FBXL7: variants seen among roughly 807,000 people sequenced by gnomAD.
The protein encoded by FBXL7 is F-box/LRR-repeat protein 7.
FBXL7 carries 12 observed loss-of-function variants against 38.3 expected under a neutral mutation model. The observed-to-expected ratio is 0.31, with a 90% CI of 0.20 to 0.51. FBXL7 has a LOEUF of 0.51. FBXL7 is among the 20% of genes least tolerant of loss of function. FBXL7 has a pLI of 0.98. For synonymous variants in FBXL7, 297 were observed against 300.9 expected, an observed-to-expected ratio of 0.99 and a Z score of 0.13; for missense variants, 567 against 676.4, an observed-to-expected ratio of 0.84 and a Z score of 1.79.
intron 1 of FBXL7, among the ~76,000 whole-genome samples, chr5:15,546,712 C>G (rs1238303610): frequency 1.3e-5 from 2 of 152,174 alleles, no homozygotes; most frequent in Non-Finnish European, 2.9e-5. Context: ...GCCTGGGCTA[C>G]AGAGCGAGAC....
intron 1 of FBXL7, among the ~76,000 whole-genome samples, chr5:15,562,470 A>G (rs992357299): frequency 3.9e-5 from 6 of 152,214 alleles, no homozygotes; most frequent in Admixed American, 2.6e-4. Flanking sequence ...ATTTGTCCAA[A>G]GAAAACAGAA....
intron 2 of FBXL7, among the ~76,000 whole-genome samples, chr5:15,872,049 T>C (rs886105301): frequency 1.3e-5 from 2 of 152,158 alleles, no homozygotes; most frequent in Non-Finnish European, 2.9e-5. Flanking sequence ...AAGGTCGGGT[T>C]ACCCACAAAG....
In FBXL7 at chr5:15,500,813, C is replaced by G. The variant is rs376061237; in HGVS notation, c.37+100C>G. The G allele has an allele frequency of 9.7e-6, 14 of 1,448,088 alleles. No homozygotes were observed. In the East Asian group the frequency reaches 3.0e-4, roughly 31 times the overall value. The allele number at this position is 1,448,088 out of a possible 1,614,324, so 89.7% of individuals were successfully genotyped here. A position where few individuals can be genotyped will look rare whatever the true frequency, so the allele number is the denominator to read the frequency against. ...GGGAGGTTCTCGCCCGCGGCCGTGA[C>G]GCACCCCATTTGGCACCCTGTCTGG... On this transcript the variant is annotated intron_variant, in intron 1 of 3. Transcript: ENST00000504595.
chr5:15,568,853 T>C (rs1399762621), intron 1 of FBXL7, among the ~76,000 whole-genome samples: 2 of 152,276 alleles, frequency 1.3e-5, no homozygotes, highest in Non-Finnish European at 2.9e-5. Flanking sequence ...GGGAATCCTT[T>C]CCCCATTTCT....
chr5:15,805,086 G>A (rs1167294925), intron 2 of FBXL7, among the ~76,000 whole-genome samples: 1 of 152,108 alleles, frequency 6.6e-6, no homozygotes, highest in Admixed American at 6.6e-5. Flanking sequence ...TATCATAACT[G>A]CCTTTTCTCA....
intron 1 of FBXL7, among the ~76,000 whole-genome samples, chr5:15,600,421 C>T (rs1201666605): frequency 6.6e-6 from 1 of 152,258 alleles, no homozygotes; most frequent in Non-Finnish European, 1.5e-5. Flanking sequence ...GCTGGGAAAT[C>T]GGCTTTCAAG....
chr5:15,788,037 A>G (rs1737175463), intron 2 of FBXL7, among the ~76,000 whole-genome samples: 1 of 151,954 alleles, frequency 6.6e-6, no homozygotes, highest in Non-Finnish European at 1.5e-5. Context: ...GCTCCTGGCA[A>G]TTTATGGCGT....
chr5:15,724,517 T>G (rs535281003), intron 2 of FBXL7, among the ~76,000 whole-genome samples: 1 of 152,310 alleles, frequency 6.6e-6, no homozygotes, highest in African/African-American at 2.4e-5. Context: ...CCTGCCAAGC[T>G]CCAGGAAACC....
At chr5:15,712,388 A>T (rs2126643709) in intron 2 of FBXL7, among the ~76,000 whole-genome samples, 1 of 151,676 alleles carries the variant, frequency 6.6e-6, no homozygotes, top group Admixed American at 6.6e-5. Flanking sequence ...CAGCAACAAT[A>T]CCCAAAGAAA....
intron 2 of FBXL7, among the ~76,000 whole-genome samples, chr5:15,767,445 G>A (rs1464726368): frequency 6.6e-6 from 1 of 152,128 alleles, no homozygotes; most frequent in Non-Finnish European, 1.5e-5. Context: ...GCGGTGTGAG[G>A]AAGGCTACAG....
intron 2 of FBXL7, among the ~76,000 whole-genome samples, chr5:15,799,498 G>C (rs1349054873): frequency 1.3e-5 from 2 of 151,844 alleles, no homozygotes; most frequent in East Asian, 3.9e-4. Flanking sequence ...GAGTAGCTGG[G>C]ATTACAGGCA....
intron 2 of FBXL7, among the ~76,000 whole-genome samples, chr5:15,755,002 G>A (rs1194316737): frequency 6.6e-6 from 1 of 152,134 alleles, no homozygotes; most frequent in Non-Finnish European, 1.5e-5. Flanking sequence ...TTTCTTGAAT[G>A]CTCTCTGATG....
chr5:15,670,923 C>T (rs888817724), intron 2 of FBXL7, among the ~76,000 whole-genome samples: 2 of 152,204 alleles, frequency 1.3e-5, no homozygotes, highest in Non-Finnish European at 2.9e-5. Context: ...TCTGCTGCAT[C>T]AGTCTTTCCA....
chr5:15,879,205 A>G (rs555125049), intron 2 of FBXL7, among the ~76,000 whole-genome samples: 1 of 152,318 alleles, frequency 6.6e-6, no homozygotes, highest in Admixed American at 6.5e-5. Context: ...AGCCGATTAA[A>G]CTGGAAGCCC....
intron 1 of FBXL7, among the ~76,000 whole-genome samples, chr5:15,506,579 G>C (rs1736655602): frequency 6.6e-6 from 1 of 152,118 alleles, no homozygotes; most frequent in East Asian, 1.9e-4. Context: ...ATTAACAACA[G>C]AAATTTGTTT....
Position 15,744,891 on chromosome 5 carries a change from C to T in FBXL7, c.127+128819C>T, listed in dbSNP as rs140033338. The stretch of plus-strand genomic sequence containing the variant: ...GAAGTGCTGAGCAAAAAGGGGAAAG[C>T]CCCTTATAAAACCATGAGGTCTCCT... On this transcript the variant is annotated intron_variant, in intron 2 of 3. Transcript: ENST00000504595. Among the ~76,000 whole-genome samples the T allele has an allele frequency of 4.0e-3, 603 of 152,164 alleles. 5 individuals carry two copies. Among genetic ancestry groups the T allele is most frequent in the African/African-American group, 0.013 (560 of 41,494 alleles).
intron 2 of FBXL7, among the ~76,000 whole-genome samples, chr5:15,727,649 T>C (rs1735445075): frequency 6.6e-6 from 1 of 152,164 alleles, no homozygotes. Flanking sequence ...AAGATTTTTC[T>C]CTTTGTCTTT....
intron 2 of FBXL7, among the ~76,000 whole-genome samples, chr5:15,721,113 G>T (rs1218251412): frequency 6.6e-6 from 1 of 152,106 alleles, no homozygotes; most frequent in African/African-American, 2.4e-5. Flanking sequence ...GCTTGATAGA[G>T]AATATACATA....
intron 2 of FBXL7, among the ~76,000 whole-genome samples, chr5:15,706,484 T>G (rs764213609): frequency 1.2e-4 from 18 of 152,164 alleles, no homozygotes; most frequent in Non-Finnish European, 2.5e-4. Context: ...AATTACACAG[T>G]CTCAGATATT....
Sources: gnomAD v4.1 joint callset for allele counts (sites outside exome capture counted in the v4.1 genomes callset) on GRCh38, gnomAD v4.1.1 for gene constraint, MANE v1.5 for transcripts, NCBI Gene and HGNC (gene_info 2026-07-23, HGNC 2026-07-21) for gene names.